The following ZFR2 variants were observed in gnomAD, a reference collection of about 807,000 sequenced individuals.
ZFR2 encodes zinc finger RNA-binding protein 2.
In ZFR2, 104 loss-of-function variants were observed where a neutral mutation model predicts 105.7. The observed-to-expected ratio is 0.98, with a 90% CI of 0.84 to 1.16. The LOEUF is 1.16. Among genes scored for constraint, ZFR2 ranks in the 50% most tolerant of loss-of-function variants. The pLI is 0.00. For synonymous variants in ZFR2, 634 were observed against 597.7 expected (o/e 1.06, Z -0.89); for missense variants, 1,425 against 1,355.5 (o/e 1.05, Z -0.80).
Position 3,825,271 on chromosome 19 carries a change from G to T in ZFR2, c.1172C>A (p.Ala391Glu). ...CGAGGCCACGGGTCTCTTGGCCAGC[G>T]CTGGCCTGCTCGAGGCACACACGCT... ...GPSVCASSRP[A>E]LAKRPVASKA... The change falls in exon 7 of 19, where the codon GCG (alanine) becomes GAG (glutamate). Residue 391 changes from alanine (A) to glutamate (E), a missense_variant. Physicochemically the swap from Ala to Glu is moderately radical, Grantham distance 107 (BLOSUM62 -1). Coordinates refer to ENST00000262961, the MANE Select transcript of ZFR2 (RefSeq NM_015174.2). 1 of 1,572,506 alleles carries T rather than the reference G, an allele frequency of 6.4e-7. No individual in the cohort carries two copies. The highest frequency in any genetic ancestry group is 2.3e-5 in the East Asian group (1 of 43,244).
rs2038057686 is a variant in ZFR2, at chr19:3,834,569, C to T, written c.264+204G>A. On this transcript the variant is annotated intron_variant, in intron 2 of 18. Transcript: ENST00000262961. The surrounding 1 kb of genome is among the most constrained non-coding windows in gnomAD (Gnocchi z 5.3). Reference sequence around the variant, plus strand: ...CGTGGAGGTACGCATGCGGCCTGTCCCCGAGAGCAGTGGATTCTTTCGGAA... The same window carrying T: ...CGTGGAGGTACGCATGCGGCCTGTCTCCGAGAGCAGTGGATTCTTTCGGAA... 6.6e-6 allele frequency among the ~76,000 whole-genome samples: 1 copy of T among 152,180 alleles called. No homozygotes were observed. The highest frequency in any genetic ancestry group is 1.5e-5 in the Non-Finnish European group (1 of 68,020).
intron 1 of ZFR2, among the ~76,000 whole-genome samples, chr19:3,836,598 T>C (rs2038077825): frequency 6.6e-6 from 1 of 152,240 alleles, no homozygotes; most frequent in Admixed American, 6.5e-5. Context: ...ATTACTTTAG[T>C]TAGCACTAAA....
Position 3,810,818 on chromosome 19 carries a change from C to T in ZFR2, c.2365G>A (p.Val789Met), listed in dbSNP as rs751131550. The change falls in exon 16 of 19, where the codon GTG (valine) becomes ATG (methionine). Residue 789 changes from valine to methionine, a missense_variant. Coordinates refer to ENST00000262961, the MANE Select transcript of ZFR2 (RefSeq NM_015174.2). ...QARASGLQPCVIVIRVLRDLC... is the reference protein window; with the variant it reads ...QARASGLQPCMIVIRVLRDLC... Reference sequence around the variant, plus strand: ...TCCCTCAGGACCCTGATGACGATCACGCATGGCTGCAGGCCGCTGGCTCGA... The same window carrying T: ...TCCCTCAGGACCCTGATGACGATCATGCATGGCTGCAGGCCGCTGGCTCGA... 139 of 1,550,298 alleles carry T rather than the reference C, an allele frequency of 9.0e-5. No individual in the cohort carries two copies. The Admixed American group carries it at 1.5e-3, about 16-fold the overall frequency.
At chr19:3,812,640 C>T (rs2145135627) in intron 14 of ZFR2, among the ~76,000 whole-genome samples, 1 of 152,260 alleles carries the variant, frequency 6.6e-6, no homozygotes, top group East Asian at 1.9e-4. Flanking sequence ...GCATTTGTGT[C>T]ACAGCCTTCA....
chr19:3,812,953 C>T (rs1289183965), intron 14 of ZFR2, among the ~76,000 whole-genome samples: 4 of 152,122 alleles, frequency 2.6e-5, no homozygotes, highest in Non-Finnish European at 5.9e-5. Context: ...TAGTGGCGCA[C>T]ACCTGTAGTC....
At chr19:3,808,133 G>A (rs752590451) in intron 17 of ZFR2, among the ~76,000 whole-genome samples, 17 of 148,354 alleles carry the variant, frequency 1.1e-4, no homozygotes, top group African/African-American at 1.7e-4. Context: ...GTGCCCGTGC[G>A]TATGTGTGCC....
Position 3,816,225 on chromosome 19 carries a change from C to A in ZFR2, c.2103+449G>T, listed in dbSNP as rs546027946. Reference sequence around the variant, plus strand: ...TAACAAACTGGTTGGTTTCTAACAGCGATGCTTCTTCTTGTATCTTTTTTT... The same window carrying A: ...TAACAAACTGGTTGGTTTCTAACAGAGATGCTTCTTCTTGTATCTTTTTTT... On this transcript the variant is annotated intron_variant, in intron 13 of 18. Coordinates refer to ENST00000262961, the MANE Select transcript of ZFR2 (RefSeq NM_015174.2). Among the ~76,000 whole-genome samples the A allele has an allele frequency of 8.2e-5, 12 of 146,806 alleles. No individual in the cohort carries two copies. The South Asian group carries it at 2.6e-3, about 32-fold the overall frequency.
chr19:3,859,808 A>C (rs908012557), intron 1 of ZFR2, among the ~76,000 whole-genome samples: 6 of 152,344 alleles, frequency 3.9e-5, no homozygotes, highest in Admixed American at 2.0e-4. Flanking sequence ...ATTTTGTGGC[A>C]CTTCTGTTCA....
Position 3,805,996 on chromosome 19 carries a change from C to G in ZFR2, c.2773G>C (p.Ala925Pro). Residue 925 changes from alanine to proline, a missense_variant, in exon 19 of 19, where the codon GCA (alanine) becomes CCA (proline). Physicochemically the swap from Ala to Pro is conservative, Grantham distance 27. Transcript: ENST00000262961. ...CGCCGGCCCCGCTTCTTCTCCCCTG[C>G]GCCCTCCTCTCCCTCGCCAGGTCCC... The part of the protein sequence containing the change: ...QRGPGEGEEG[A>P]GEKKRGRRGG... 6.5e-7 allele frequency: 1 copy of G among 1,545,418 alleles called. No homozygotes were observed. Among genetic ancestry groups the G allele is most frequent in the South Asian group, 1.2e-5 (1 of 83,964 alleles).
intron 13 of ZFR2, among the ~76,000 whole-genome samples, chr19:3,816,438 G>A (rs570621541): frequency 6.7e-6 from 1 of 148,912 alleles, no homozygotes; most frequent in East Asian, 2.0e-4. Flanking sequence ...TAGAGACGGT[G>A]TTTCACCATG....
intron 1 of ZFR2, among the ~76,000 whole-genome samples, chr19:3,835,788 T>TA (rs200074734): frequency 1.7e-4 from 25 of 149,614 alleles, no homozygotes; most frequent in East Asian, 8.0e-4. Context: ...CCACCAAAAT[T>TA]AAAAAAAAAC....
At chr19:3,810,310 C>T (rs1465485890) in intron 16 of ZFR2, among the ~76,000 whole-genome samples, 1 of 152,234 alleles carries the variant, frequency 6.6e-6, no homozygotes, top group East Asian at 1.9e-4. Context: ...TCTGTTTCTT[C>T]TCTTCCCTCC....
At chr19:3,848,918 C>T (rs539398314) in intron 1 of ZFR2, among the ~76,000 whole-genome samples, 1 of 149,272 alleles carries the variant, frequency 6.7e-6, no homozygotes, top group Non-Finnish European at 1.5e-5. Context: ...GGCATGAACC[C>T]CGGAGGCGGA....
chr19:3,861,928 AAATAAT>A (rs1288800959), intron 1 of ZFR2, among the ~76,000 whole-genome samples: 2 of 152,258 alleles, frequency 1.3e-5, no homozygotes, highest in South Asian at 4.1e-4. Context: ...CCTGTCTCAA[AAATAAT>A]AATAATAAAA....
At chr19:3,832,086 A>T (rs1433814895) in intron 3 of ZFR2, among the ~76,000 whole-genome samples, 2 of 152,212 alleles carry the variant, frequency 1.3e-5, no homozygotes, top group East Asian at 3.9e-4. Flanking sequence ...CTCTCCTGCC[A>T]TGGGGGAGGA....
chr19:3,827,802 T>C, intron 5 of ZFR2, 149 bp from the exon 6 acceptor site: 1 of 834,596 alleles, frequency 1.2e-6, no homozygotes. Flanking sequence ...GCCATGGAGG[T>C]TCCAGTGTCC....
chr19:3,835,118 G>T, intron 1 of ZFR2, 135 bp from the exon 2 acceptor site: 1 of 996,402 alleles, frequency 1.0e-6, no homozygotes, highest in Non-Finnish European at 1.5e-6. Flanking sequence ...AGGAGCCCAG[G>T]CACGGCCGGA....
At chr19:3,828,853 C>T (rs955794821) in intron 5 of ZFR2, among the ~76,000 whole-genome samples, 2 of 152,138 alleles carry the variant, frequency 1.3e-5, no homozygotes, top group African/African-American at 2.4e-5. Context: ...TGCAGGCCAC[C>T]GGCTTGGCAC....
At chr19:3,841,649 A>G (rs969979944) in intron 1 of ZFR2, among the ~76,000 whole-genome samples, 5 of 152,040 alleles carry the variant, frequency 3.3e-5, no homozygotes, top group African/African-American at 1.2e-4. Context: ...ACCACAAAAA[A>G]TTAAAAAAAT....
Sources: allele counts gnomAD v4.1 joint callset (sites outside exome capture counted in the v4.1 genomes callset), GRCh38; gene constraint gnomAD v4.1.1; non-coding constraint Gnocchi (gnomAD v3.1); transcripts MANE v1.5; gene names NCBI Gene and HGNC (gene_info 2026-07-23, HGNC 2026-07-21).